The following SLC35F2 variants were observed in gnomAD, a reference collection of about 807,000 sequenced individuals.
The protein encoded by SLC35F2 is queuine/queuosine transporter SLC35F2.
In SLC35F2, 25 loss-of-function variants were observed where a neutral mutation model predicts 38.1. The ratio of observed to expected loss-of-function variants is 0.66; its 90% CI spans 0.48 to 0.92. The LOEUF is 0.92. Among genes scored for constraint, SLC35F2 ranks in the 40% least tolerant of loss-of-function variants. The pLI, the probability that SLC35F2 is intolerant of heterozygous loss-of-function variation, is 0.00. For synonymous variants in SLC35F2, 173 were observed against 181.7 expected (o/e 0.95, Z 0.38); for missense variants, 409 against 452.9 (o/e 0.90, Z 0.88).
chr11:107,792,871 G>A, intron 7 of SLC35F2, 71 bp from the exon 8 acceptor site: 1 of 1,441,062 alleles, frequency 6.9e-7, no homozygotes, highest in Non-Finnish European at 9.1e-7. Context: ...TTTGCCAACT[G>A]TGCTTCGAGG....
chr11:107,805,343 A>C lies in SLC35F2; in HGVS notation c.731+16T>G. ...TTTGCTTATTTTGTCTTTAGAAAAA[A>C]ATTGTAGAATCTTACAGCTGTATAC... On this transcript the variant is annotated intron_variant, in intron 5 of 7. Coordinates refer to ENST00000525815, the MANE Select transcript of SLC35F2 (RefSeq NM_017515.5). 6.3e-7 allele frequency: 1 copy of C among 1,583,974 alleles called. No individual in the cohort carries two copies. The highest frequency in any genetic ancestry group is 8.5e-7 in the Non-Finnish European group (1 of 1,171,264).
chr11:107,851,050 G>A (rs914935132), intron 1 of SLC35F2, among the ~76,000 whole-genome samples: 1 of 151,616 alleles, frequency 6.6e-6, no homozygotes, highest in African/African-American at 2.4e-5. Flanking sequence ...GGATCACAAG[G>A]TCAGGAGTTC....
intron 1 of SLC35F2, among the ~76,000 whole-genome samples, chr11:107,829,492 C>T (rs543673304): frequency 2.6e-5 from 4 of 152,082 alleles, no homozygotes; most frequent in African/African-American, 9.6e-5. Flanking sequence ...TGCTATGACA[C>T]AGTATGAGGC....
At chr11:107,843,658 C>T (rs562300165) in intron 1 of SLC35F2, among the ~76,000 whole-genome samples, 2 of 151,230 alleles carry the variant, frequency 1.3e-5, no homozygotes, top group South Asian at 4.2e-4. Flanking sequence ...TGTTCAAGAT[C>T]AGCCTGGGCA....
At chr11:107,816,186 C>T in intron 1 of SLC35F2, 1 of 985,362 alleles carries the variant, frequency 1.0e-6, no homozygotes, top group Non-Finnish European at 1.2e-6. Context: ...CCCACAAAAG[C>T]ATATTCCCCC....
intron 7 of SLC35F2, among the ~76,000 whole-genome samples, chr11:107,801,346 T>C (rs1257895525): frequency 6.6e-6 from 1 of 152,212 alleles, no homozygotes. Flanking sequence ...GATGTGAGAA[T>C]CCAGGTGTTT....
intron 1 of SLC35F2, among the ~76,000 whole-genome samples, chr11:107,822,207 G>A (rs1023257728): frequency 1.6e-4 from 25 of 152,172 alleles, no homozygotes; most frequent in Middle Eastern, 6.8e-3. Flanking sequence ...GCACTCCAGC[G>A]TGGGCAACAA....
At chr11:107,825,390 G>A (rs1375858566) in intron 1 of SLC35F2, among the ~76,000 whole-genome samples, 7 of 65,304 alleles carry the variant, frequency 1.1e-4, no homozygotes, top group Non-Finnish European at 2.0e-4. Flanking sequence ...TTTTTTTTTT[G>A]AGATGGAGTC....
intron 1 of SLC35F2, among the ~76,000 whole-genome samples, chr11:107,842,287 T>TAAAAAAAAAAAAAAAA (rs1292690214): frequency 2.5e-4 from 18 of 71,162 alleles, no homozygotes; most frequent in African/African-American, 5.7e-4. Context: ...AAAAAAAAAT[T>TAAAAAAAAAAAAAAAA]AAAGCTTGAC....
intron 1 of SLC35F2, among the ~76,000 whole-genome samples, chr11:107,829,381 C>T (rs1008771869): frequency 3.3e-5 from 5 of 150,936 alleles, no homozygotes; most frequent in Admixed American, 2.6e-4. Context: ...ATCGTGCCAC[C>T]GCACTACAGT....
At chr11:107,794,441 G>A (rs1328602899) in intron 7 of SLC35F2, among the ~76,000 whole-genome samples, 1 of 152,146 alleles carries the variant, frequency 6.6e-6, no homozygotes, top group East Asian at 1.9e-4. Flanking sequence ...GACTGACCAA[G>A]AATGGTGTAC....
At chr11:107,810,758 T>G (rs1859468008) in intron 3 of SLC35F2, 1 of 979,090 alleles carries the variant, frequency 1.0e-6, no homozygotes, top group South Asian at 4.7e-5. Context: ...TAACATTTAA[T>G]GTAGGTTCAC....
intron 1 of SLC35F2, among the ~76,000 whole-genome samples, chr11:107,843,844 CTT>C (rs1860050679): frequency 1.7e-5 from 1 of 57,886 alleles, no homozygotes; most frequent in Non-Finnish European, 2.6e-5. Context: ...GACTCTGTAT[CTT>C]AAAAAAAAAA....
chr11:107,822,977 A>G (rs1859698767), intron 1 of SLC35F2, among the ~76,000 whole-genome samples: 1 of 152,152 alleles, frequency 6.6e-6, no homozygotes, highest in African/African-American at 2.4e-5. Flanking sequence ...GGATGCATTC[A>G]TATACACATA....
chr11:107,796,368 A>G (rs958856691), intron 7 of SLC35F2, among the ~76,000 whole-genome samples: 1 of 152,216 alleles, frequency 6.6e-6, no homozygotes, highest in African/African-American at 2.4e-5. Context: ...AAAGATATGG[A>G]ATCAACCTAA....
chr11:107,821,111 C>A (rs1388192745), intron 1 of SLC35F2, among the ~76,000 whole-genome samples: 1 of 152,170 alleles, frequency 6.6e-6, no homozygotes, highest in Non-Finnish European at 1.5e-5. Flanking sequence ...GGCACAGAAA[C>A]CCTAACCAAG....
At chr11:107,832,829 C>T (rs774458348) in intron 1 of SLC35F2, among the ~76,000 whole-genome samples, 1 of 152,140 alleles carries the variant, frequency 6.6e-6, no homozygotes, top group South Asian at 2.1e-4. Context: ...ACAAAATCTA[C>T]ATTCTGTCAG....
intron 1 of SLC35F2, among the ~76,000 whole-genome samples, chr11:107,849,679 G>A (rs1860147148): frequency 1.3e-5 from 2 of 151,726 alleles, no homozygotes; most frequent in Admixed American, 6.6e-5. Flanking sequence ...GGATTGAAGG[G>A]GGAGGTGGAC....
intron 1 of SLC35F2, among the ~76,000 whole-genome samples, chr11:107,849,710 G>A (rs776340619): frequency 1.3e-5 from 2 of 151,404 alleles, no homozygotes; most frequent in African/African-American, 4.9e-5. Context: ...TTCTGGAAGC[G>A]CTGTCAAGAC....
Sources: gnomAD v4.1 joint callset for allele counts (sites outside exome capture counted in the v4.1 genomes callset) on GRCh38, gnomAD v4.1.1 for gene constraint, MANE v1.5 for transcripts, NCBI Gene and HGNC (gene_info 2026-07-23, HGNC 2026-07-21) for gene names.